The following PARD3B variants were observed in gnomAD, a reference collection of about 807,000 sequenced individuals.
The protein encoded by PARD3B is partitioning defective 3 homolog B.
A neutral mutation model predicts 130.2 loss-of-function variants in PARD3B; 103 were observed. That is an observed-to-expected ratio of 0.79 (90% CI 0.67 to 0.93). The LOEUF is 0.93. Among genes scored for constraint, PARD3B ranks in the 40% least tolerant of loss-of-function variants. The probability of loss-of-function intolerance (pLI) is 0.00; values close to 1 mark genes in which losing one functional copy is unlikely to be tolerated. For synonymous variants in PARD3B, 583 were observed against 553.2 expected, an observed-to-expected ratio of 1.05 and a Z score of -0.76; for missense variants, 1,609 against 1,499.2, an observed-to-expected ratio of 1.07 and a Z score of -1.21.
At chr2:205,246,198 C>T (rs544005693) in intron 16 of PARD3B, among the ~76,000 whole-genome samples, 2 of 150,714 alleles carry the variant, frequency 1.3e-5, no homozygotes, top group East Asian at 3.9e-4. Flanking sequence ...AAGAAAGATA[C>T]GATCATTTTT....
At chr2:204,915,291 C>G (rs1471049617) in intron 2 of PARD3B, among the ~76,000 whole-genome samples, 2 of 152,142 alleles carry the variant, frequency 1.3e-5, no homozygotes. Context: ...AATAAACTAT[C>G]TAATTAATAA....
intron 2 of PARD3B, among the ~76,000 whole-genome samples, chr2:204,892,476 A>C (rs1240450098): frequency 6.6e-6 from 1 of 152,194 alleles, no homozygotes. Flanking sequence ...GTGGCTGTTG[A>C]ATACTTGTGA....
chr2:204,944,834 C>T (rs993962373), intron 2 of PARD3B, among the ~76,000 whole-genome samples: 5 of 152,192 alleles, frequency 3.3e-5, no homozygotes, highest in Non-Finnish European at 7.3e-5. Flanking sequence ...GGCCTTCTCC[C>T]TTTCTTTTTC....
At position 205,558,898 on chromosome 2, in the gene PARD3B, A is replaced by G. The variant is rs1329464479; in HGVS notation, c.3260+5495A>G. ...CTTAGCACCTTCCCAGTGCCCTAAAAACACCCTGAATTGGATTATTCTCCA... is the reference window on the plus strand; with the variant it reads ...CTTAGCACCTTCCCAGTGCCCTAAAGACACCCTGAATTGGATTATTCTCCA... On this transcript the variant is annotated intron_variant, in intron 22 of 22. Coordinates refer to ENST00000406610, the MANE Select transcript of PARD3B (RefSeq NM_001302769.2). This position sits in a 1 kb window ranked among gnomAD's most constrained non-coding sequence, Gnocchi z 4.8. 6.6e-6 allele frequency among the ~76,000 whole-genome samples: 1 copy of G among 152,110 alleles called. No individual in the cohort carries two copies. The highest frequency in any genetic ancestry group is 1.5e-5 in the Non-Finnish European group (1 of 68,030).
chr2:204,990,931 T>C (rs141278189), intron 3 of PARD3B, among the ~76,000 whole-genome samples: 19 of 152,308 alleles, frequency 1.2e-4, no homozygotes, highest in Admixed American at 3.9e-4. Context: ...ACCATACACG[T>C]GATCAATTGT....
intron 22 of PARD3B, among the ~76,000 whole-genome samples, chr2:205,583,405 G>A (rs112385279): frequency 0.06 from 4,812 of 80,412 alleles, 247 homozygotes; most frequent in African/African-American, 0.15. Context: ...GTGTGTGCGC[G>A]CGCACGCGCG....
chr2:205,278,021 G>A (rs1188681735), intron 16 of PARD3B, among the ~76,000 whole-genome samples: 1 of 152,072 alleles, frequency 6.6e-6, no homozygotes, highest in Non-Finnish European at 1.5e-5. Context: ...AGAAGAACCA[G>A]GTAGCACCAT....
intron 21 of PARD3B, among the ~76,000 whole-genome samples, chr2:205,523,493 T>A (rs554962737): frequency 6.6e-6 from 1 of 152,038 alleles, no homozygotes; most frequent in South Asian, 2.1e-4. Flanking sequence ...TTTTTAGTAA[T>A]TTCAGTCATA....
chr2:205,605,506 T>G (rs1046993743), intron 22 of PARD3B, among the ~76,000 whole-genome samples: 8 of 150,412 alleles, frequency 5.3e-5, no homozygotes, highest in African/African-American at 1.9e-4. Flanking sequence ...GTTTTAACAG[T>G]CAGGCCCCTC....
At chr2:205,248,762 C>A (rs901524567) in intron 16 of PARD3B, among the ~76,000 whole-genome samples, 1 of 150,870 alleles carries the variant, frequency 6.6e-6, no homozygotes, top group Non-Finnish European at 1.5e-5. Context: ...CGCCCACTAC[C>A]GCGCCTGGCT....
At chr2:205,246,556 G>T (rs952531166) in intron 16 of PARD3B, among the ~76,000 whole-genome samples, 3 of 152,066 alleles carry the variant, frequency 2.0e-5, no homozygotes, top group Non-Finnish European at 2.9e-5. Context: ...CATTGTTTTG[G>T]AGGAGAAAAT....
At chr2:205,320,214 T>TG (rs2042704028) in intron 18 of PARD3B, among the ~76,000 whole-genome samples, 8 of 59,988 alleles carry the variant, frequency 1.3e-4, no homozygotes, top group African/African-American at 3.7e-4. Flanking sequence ...GAGGGAAGGG[T>TG]GGGGGGGAGG....
intron 18 of PARD3B, among the ~76,000 whole-genome samples, chr2:205,346,207 ATAAATAAATAAAT>A (rs1266093624): frequency 3.4e-5 from 5 of 147,976 alleles, no homozygotes; most frequent in Admixed American, 2.0e-4. Flanking sequence ...AAATAAATAA[ATAAATAAATAAAT>A]TTCATATAAA....
intron 3 of PARD3B, among the ~76,000 whole-genome samples, chr2:205,036,197 T>C (rs1697858036): frequency 6.8e-6 from 1 of 146,124 alleles, no homozygotes; most frequent in African/African-American, 2.5e-5. Context: ...AATAAGTATA[T>C]AGTGGACTAT....
intron 21 of PARD3B, among the ~76,000 whole-genome samples, chr2:205,514,507 T>TATTA (rs1490775060): frequency 2.0e-5 from 3 of 152,116 alleles, no homozygotes; most frequent in Non-Finnish European, 4.4e-5. Flanking sequence ...AAATAAACAT[T>TATTA]ATTAATAAAT....
intron 3 of PARD3B, among the ~76,000 whole-genome samples, chr2:205,000,903 T>C (rs976783164): frequency 1.3e-5 from 2 of 152,196 alleles, no homozygotes; most frequent in Non-Finnish European, 2.9e-5. Context: ...TTGGTTTGTT[T>C]CTGTTTTGTT....
At chr2:205,498,323 G>A (rs2050020961) in intron 20 of PARD3B, among the ~76,000 whole-genome samples, 2 of 151,806 alleles carry the variant, frequency 1.3e-5, no homozygotes, top group Non-Finnish European at 1.5e-5. Context: ...TCAATGTGGT[G>A]AAATCCTGTC....
At position 205,321,625 on chromosome 2, in the gene PARD3B, A is replaced by G. The variant is rs2042756405; in HGVS notation, c.2630+19924A>G. Among the ~76,000 whole-genome samples the G allele has an allele frequency of 6.6e-6, 1 of 152,212 alleles. No homozygotes were observed. Among genetic ancestry groups the G allele is most frequent in the African/African-American group, 2.4e-5 (1 of 41,446 alleles). On this transcript the variant is annotated intron_variant, in intron 18 of 22. Transcript: ENST00000406610. The surrounding 1 kb of genome is among the most constrained non-coding windows in gnomAD (Gnocchi z 4.2). Reference sequence around the variant, plus strand: ...ACTTTGAAGCTAGGACTATCACTGTATCATTTTATTATACTTTTGAGATAA... The same window carrying G: ...ACTTTGAAGCTAGGACTATCACTGTGTCATTTTATTATACTTTTGAGATAA...
chr2:204,762,061 G>T (rs1009666675), intron 2 of PARD3B, among the ~76,000 whole-genome samples: 1 of 148,616 alleles, frequency 6.7e-6, no homozygotes, highest in Non-Finnish European at 1.5e-5. Context: ...AAAAAAATCA[G>T]ATAATGCTTA....
Sources: gnomAD v4.1 joint callset for allele counts (sites outside exome capture counted in the v4.1 genomes callset) on GRCh38, gnomAD v4.1.1 for gene constraint, Gnocchi (gnomAD v3.1) non-coding constraint, MANE v1.5 for transcripts, NCBI Gene and HGNC (gene_info 2026-07-23, HGNC 2026-07-21) for gene names.